Variants in COL22A1 observed in about 807,000 individuals in gnomAD.
COL22A1 encodes collagen alpha-1(XXII) chain.
In COL22A1, 221 loss-of-function variants were observed where a neutral mutation model predicts 248.9. The observed-to-expected ratio is 0.89, with a 90% CI of 0.80 to 0.99. COL22A1 has a LOEUF of 0.99. Ranked by LOEUF, COL22A1 falls within the 50% of genes least tolerant of loss-of-function variation. COL22A1 has a pLI of 0.00. For synonymous variants in COL22A1, 891 were observed against 793.4 expected (o/e 1.12, Z -2.07); for missense variants, 2,240 against 2,179.0 (o/e 1.03, Z -0.56).
At chr8:138,715,141 C>G (rs566234252) in intron 30 of COL22A1, among the ~76,000 whole-genome samples, 2 of 152,164 alleles carry the variant, frequency 1.3e-5, no homozygotes, top group Non-Finnish European at 2.9e-5. Context: ...AACTCCAATA[C>G]TATTATCTTC....
intron 22 of COL22A1, 30 bp from the exon 23 acceptor site, chr8:138,737,607 C>T: frequency 6.6e-7 from 1 of 1,521,982 alleles, no homozygotes; most frequent in Non-Finnish European, 9.1e-7. Flanking sequence ...CTAAAATTAA[C>T]AAGCAGGCAA....
In COL22A1 at chr8:138,689,160, G is replaced by GT. The variant is rs112904374; in HGVS notation, c.2809-191_2809-190insA. Among the ~76,000 whole-genome samples, 7 of 145,172 alleles carry GT rather than the reference G, an allele frequency of 4.8e-5. No individual in the cohort carries two copies. The South Asian group carries it at 6.4e-4, about 13-fold the overall frequency. Reference sequence around the variant, plus strand: ...CCTGCCCATGACTGCTGCTCTCCCGGGGGGGGGGCTGGCCTTGTAACAGTG... The same window carrying GT: ...CCTGCCCATGACTGCTGCTCTCCCGGTGGGGGGGGCTGGCCTTGTAACAGTG... On this transcript the variant is annotated intron_variant, in intron 36 of 64. Transcript: ENST00000303045.
intron 16 of COL22A1, among the ~76,000 whole-genome samples, chr8:138,774,915 G>A (rs887776840): frequency 6.6e-6 from 1 of 152,204 alleles, no homozygotes; most frequent in Non-Finnish European, 1.5e-5. Flanking sequence ...AATACAGGAT[G>A]ATGTGGCTGT....
At chr8:138,839,469 T>A (rs1407198101) in intron 4 of COL22A1, among the ~76,000 whole-genome samples, 5 of 152,216 alleles carry the variant, frequency 3.3e-5, no homozygotes, top group Non-Finnish European at 7.3e-5. Context: ...AAGGTCATTC[T>A]GGCAGCAGGG....
intron 31 of COL22A1, among the ~76,000 whole-genome samples, chr8:138,702,114 G>A (rs1160662080): frequency 6.6e-6 from 1 of 152,146 alleles, no homozygotes; most frequent in Non-Finnish European, 1.5e-5. Flanking sequence ...GAATATCTAA[G>A]CTTAGGGGTA....
intron 45 of COL22A1, among the ~76,000 whole-genome samples, chr8:138,650,916 C>G (rs1312387022): frequency 1.3e-5 from 2 of 152,222 alleles, no homozygotes; most frequent in Non-Finnish European, 2.9e-5. Context: ...ACGCTGTCAA[C>G]TGACACAAAT....
At chr8:138,684,527 C>G in intron 38 of COL22A1, 58 bp from the exon 39 acceptor site, 1 of 1,221,988 alleles carries the variant, frequency 8.2e-7, no homozygotes, top group Non-Finnish European at 1.2e-6. Context: ...ACTGACCCAT[C>G]CACCACGTGC....
intron 50 of COL22A1, among the ~76,000 whole-genome samples, chr8:138,628,500 C>T (rs1820435439): frequency 6.6e-6 from 1 of 152,156 alleles, no homozygotes; most frequent in East Asian, 1.9e-4. Flanking sequence ...CGTGCCACTG[C>T]ACTCCAGCCT....
At position 138,821,202 on chromosome 8, in the gene COL22A1, C is replaced by T; in HGVS notation, c.1179G>A (p.Arg393=). ...TCTTGCCCTGGATGTCAATGTTCTC[C>T]CGTTCCTCGATGGGTAGTGTCTGCA... ...ALVQTLPIEE[R]ENIDIQGKTV... The change falls in exon 7 of 65, where the codon CGG becomes CGA. Residue 393 remains arginine (R), a synonymous_variant. Coordinates refer to ENST00000303045, the MANE Select transcript of COL22A1 (RefSeq NM_152888.3). The T allele has an allele frequency of 1.2e-6, 2 of 1,614,204 alleles. No individual in the cohort carries two copies. Among genetic ancestry groups the T allele is most frequent in the East Asian group, 4.5e-5 (2 of 44,882 alleles).
chr8:138,856,217 C>T (rs1161866003), intron 3 of COL22A1, among the ~76,000 whole-genome samples: 2 of 152,258 alleles, frequency 1.3e-5, no homozygotes, highest in African/African-American at 2.4e-5. Flanking sequence ...GGCGTGGCCG[C>T]ATTGCTGCAC....
At chr8:138,693,296 G>A (rs1436336096) in intron 35 of COL22A1, among the ~76,000 whole-genome samples, 1 of 152,162 alleles carries the variant, frequency 6.6e-6, no homozygotes, top group Non-Finnish European at 1.5e-5. Context: ...TATAGGATGT[G>A]TGTTCTCTGG....
intron 27 of COL22A1, among the ~76,000 whole-genome samples, chr8:138,720,506 C>T (rs545770761): frequency 6.6e-6 from 1 of 152,176 alleles, no homozygotes; most frequent in East Asian, 1.9e-4. Flanking sequence ...GGAACCACTC[C>T]CTCCTCTGGT....
rs367652032 is a variant in COL22A1, at chr8:138,619,487, G to C, written c.3793C>G (p.Leu1265Val). The C allele has an allele frequency of 3.7e-6, 6 of 1,614,038 alleles. No homozygotes were observed. In the African/African-American group the frequency reaches 5.3e-5, roughly 14 times the overall value. ...GEPGKAGEPGLPGPEGARGPP... is the reference protein window; with the variant it reads ...GEPGKAGEPGVPGPEGARGPP... ...CCTCGGGCACCCTCTGGTCCTGGTA[G>C]ACCTGGCTCTCCTGCTTTGCCCTGA... Residue 1265 changes from leucine to valine, a missense_variant, in exon 53 of 65, where the codon CTA becomes GTA. By Grantham distance (32) the Leu-to-Val change is conservative. Coordinates refer to ENST00000303045, the MANE Select transcript of COL22A1 (RefSeq NM_152888.3).
intron 58 of COL22A1, among the ~76,000 whole-genome samples, chr8:138,606,100 C>G (rs889735909): frequency 6.6e-6 from 1 of 152,154 alleles, no homozygotes; most frequent in African/African-American, 2.4e-5. Flanking sequence ...TAGATGCTGT[C>G]GTTATCCTCG....
chr8:138,878,290 C>T lies in COL22A1; in HGVS notation c.118G>A (p.Val40Ile), dbSNP rs1156354629. The T allele has an allele frequency of 6.4e-7, 1 of 1,567,582 alleles. No homozygotes were observed. Among genetic ancestry groups the T allele is most frequent in the Non-Finnish European group, 8.6e-7 (1 of 1,156,234 alleles). Residue 40 changes from valine (V) to isoleucine (I), a missense_variant, in exon 3 of 65, where the codon GTC (valine) becomes ATC (isoleucine). By Grantham distance (29) the Val-to-Ile change is conservative (BLOSUM62 3). Coordinates refer to ENST00000303045, the MANE Select transcript of COL22A1 (RefSeq NM_152888.3). Reference protein sequence around the residue: ...AGCKSVHYDLVFLLDTSSSVG... With the variant: ...AGCKSVHYDLIFLLDTSSSVG... ...CTGGAGGAGGTGTCCAGGAGGAAGA[C>T]CAGATCGTAGTGGACACTTTTGCAA... is the stretch of plus-strand genomic sequence containing the variant.
chr8:138,775,811 C>T (rs1320947390), intron 16 of COL22A1, among the ~76,000 whole-genome samples, 155 bp downstream of exon 16: 1 of 152,206 alleles, frequency 6.6e-6, no homozygotes, highest in African/African-American at 2.4e-5. Context: ...CACATGCACA[C>T]ATACACATGC....
chr8:138,643,381 T>C (rs1821892040), intron 47 of COL22A1, among the ~76,000 whole-genome samples: 1 of 152,212 alleles, frequency 6.6e-6, no homozygotes, highest in Non-Finnish European at 1.5e-5. Flanking sequence ...TCTTAAGCTG[T>C]CAGCTAGGGT....
In COL22A1 at chr8:138,751,531, G is replaced by GA. The variant is rs1298936636; in HGVS notation, c.2032-21dup. On this transcript the variant is annotated intron_variant, in intron 21 of 64. Coordinates refer to ENST00000303045, the MANE Select transcript of COL22A1 (RefSeq NM_152888.3). ...TGGACCCTTTAGGAGGGAGAAAAAG[G>GA]AAAAAGAGAGAGAAACATAATGGTA... 1 of 1,572,540 alleles carries GA rather than the reference G, an allele frequency of 6.4e-7. No individual in the cohort carries two copies. The highest frequency in any genetic ancestry group is 1.4e-5 in the African/African-American group (1 of 73,276).
chr8:138,887,858 A>G (rs541200584), intron 1 of COL22A1, among the ~76,000 whole-genome samples: 39 of 152,250 alleles, frequency 2.6e-4, no homozygotes, highest in African/African-American at 9.4e-4. Context: ...GCAGTGTGGG[A>G]GTGTGCGGGT....
Sources: allele counts gnomAD v4.1 joint callset (sites outside exome capture counted in the v4.1 genomes callset), GRCh38; gene constraint gnomAD v4.1.1; transcripts MANE v1.5; gene names NCBI Gene and HGNC (gene_info 2026-07-23, HGNC 2026-07-21).